The following SFXN1 variants were observed in gnomAD, a reference collection of about 807,000 sequenced individuals.
The protein encoded by SFXN1 is sideroflexin-1.
SFXN1 carries 32 observed loss-of-function variants against 39.5 expected under a neutral mutation model. That is an observed-to-expected ratio of 0.81 (90% CI 0.61 to 1.09). The LOEUF (loss-of-function observed/expected upper bound fraction) is 1.09, where lower values mean the gene tolerates loss of function less well. Among genes scored for constraint, SFXN1 ranks in the 50% least tolerant of loss-of-function variants. SFXN1 has a pLI of 0.00. For synonymous variants in SFXN1, 136 were observed against 146.5 expected, an observed-to-expected ratio of 0.93 and a Z score of 0.52; for missense variants, 402 against 407.1, an observed-to-expected ratio of 0.99 and a Z score of 0.11.
At chr5:175,504,716 T>C (rs1039743069) in intron 2 of SFXN1, among the ~76,000 whole-genome samples, 2 of 152,154 alleles carry the variant, frequency 1.3e-5, no homozygotes, top group African/African-American at 2.4e-5. Flanking sequence ...TTTTATTCAC[T>C]TCATAAGAAC....
intron 5 of SFXN1, among the ~76,000 whole-genome samples, chr5:175,511,864 C>CTGTCT (rs33977399): frequency 8.5e-5 from 11 of 130,098 alleles, no homozygotes; most frequent in East Asian, 6.2e-4. Context: ...TCTCTCTCTC[C>CTGTCT]CCACTCCAAA....
chr5:175,500,687 A>C (rs1182823966), intron 2 of SFXN1, among the ~76,000 whole-genome samples: 1 of 152,240 alleles, frequency 6.6e-6, no homozygotes, highest in Non-Finnish European at 1.5e-5. Context: ...TTGAAAAAGA[A>C]TGAAGCTGAG....
intron 2 of SFXN1, among the ~76,000 whole-genome samples, chr5:175,494,826 G>A (rs1010524973): frequency 5.3e-5 from 8 of 151,918 alleles, no homozygotes; most frequent in South Asian, 4.2e-4. Context: ...CCCTTCTTGG[G>A]TGGTCAAAAG....
At chr5:175,523,391 A>G (rs1466488677) in intron 10 of SFXN1, 1 of 152,122 alleles carries the variant, frequency 6.6e-6, no homozygotes, top group Non-Finnish European at 1.5e-5. Context: ...TACCTGCTTA[A>G]TTGTACAAAC....
At chr5:175,515,855 T>G (rs1245169305) in intron 7 of SFXN1, among the ~76,000 whole-genome samples, 2 of 152,154 alleles carry the variant, frequency 1.3e-5, no homozygotes, top group Non-Finnish European at 2.9e-5. Flanking sequence ...ATTAGACAAG[T>G]CACCATCATG....
chr5:175,507,201 T>C (rs967035630), intron 2 of SFXN1, among the ~76,000 whole-genome samples: 9 of 152,118 alleles, frequency 5.9e-5, no homozygotes, highest in African/African-American at 2.2e-4. Context: ...TGATTGCACA[T>C]GGCCTTCCTA....
intron 2 of SFXN1, among the ~76,000 whole-genome samples, chr5:175,506,631 A>G (rs1469368369): frequency 2.0e-5 from 3 of 152,152 alleles, no homozygotes; most frequent in African/African-American, 7.2e-5. Context: ...ATAATCATGT[A>G]GGAGAATACT....
chr5:175,511,412 T>C, intron 4 of SFXN1, 39 bp from the exon 5 acceptor site: 1 of 1,503,092 alleles, frequency 6.7e-7, no homozygotes, highest in East Asian at 2.3e-5. Context: ...TTTCCTGACA[T>C]GCCCTCGTCG....
intron 1 of SFXN1, among the ~76,000 whole-genome samples, chr5:175,485,928 C>T (rs1156455557): frequency 2.6e-5 from 4 of 152,166 alleles, no homozygotes; most frequent in African/African-American, 9.7e-5. Context: ...ACACTATTGT[C>T]GTGAGAAATG....
chr5:175,522,353 T>G (rs769492508), intron 9 of SFXN1, 22 bp from the exon 10 acceptor site: 5 of 1,558,848 alleles, frequency 3.2e-6, no homozygotes. Context: ...ATGGTCTGAC[T>G]TTTTTTTGTA....
chr5:175,487,401 A>C (rs1759490883), intron 1 of SFXN1, among the ~76,000 whole-genome samples: 1 of 152,100 alleles, frequency 6.6e-6, no homozygotes, highest in Non-Finnish European at 1.5e-5. Flanking sequence ...CATTGCTGTT[A>C]AATCCACCTC....
chr5:175,524,920 G>GA (rs755568062), intron 10 of SFXN1, among the ~76,000 whole-genome samples: 10 of 152,216 alleles, frequency 6.6e-5, no homozygotes, highest in Non-Finnish European at 1.0e-4. Context: ...CAAATTTCTG[G>GA]AAAAAATATT....
At chr5:175,520,518 G>T (rs552693069) in intron 8 of SFXN1, among the ~76,000 whole-genome samples, 1 of 152,064 alleles carries the variant, frequency 6.6e-6, no homozygotes, top group African/African-American at 2.4e-5. Context: ...TTGTCTAGGG[G>T]CCTTGGCTGT....
At chr5:175,516,151 G>GC (rs892203457) in intron 7 of SFXN1, among the ~76,000 whole-genome samples, 1 of 152,096 alleles carries the variant, frequency 6.6e-6, no homozygotes, top group African/African-American at 2.4e-5. Context: ...CTGCTGGGCA[G>GC]CCCTATTCCT....
At chr5:175,525,114 G>A (rs1182296086) in intron 10 of SFXN1, among the ~76,000 whole-genome samples, 3 of 152,162 alleles carry the variant, frequency 2.0e-5, no homozygotes, top group Non-Finnish European at 2.9e-5. Flanking sequence ...AGATAAAAAA[G>A]AGAATACTCC....
intron 6 of SFXN1, 54 bp from the exon 7 acceptor site, chr5:175,513,409 A>G: frequency 6.3e-7 from 1 of 1,577,872 alleles, no homozygotes; most frequent in Non-Finnish European, 8.6e-7. Context: ...GTACTATTTC[A>G]GGACGTTTAT....
chr5:175,502,192 A>G (rs1285178467), intron 2 of SFXN1, among the ~76,000 whole-genome samples: 2 of 152,178 alleles, frequency 1.3e-5, no homozygotes, highest in African/African-American at 4.8e-5. Flanking sequence ...TTTACAATAC[A>G]GTGATGTTAG....
intron 5 of SFXN1, among the ~76,000 whole-genome samples, chr5:175,511,862 T>C (rs916643036): frequency 1.3e-4 from 19 of 144,530 alleles, no homozygotes; most frequent in Middle Eastern, 3.4e-3. Flanking sequence ...TCTCTCTCTC[T>C]CCCCACTCCA....
chr5:175,485,284 T>A (rs536234396), intron 1 of SFXN1, among the ~76,000 whole-genome samples: 1 of 152,336 alleles, frequency 6.6e-6, no homozygotes, highest in Admixed American at 6.5e-5. Flanking sequence ...CATATTTGAG[T>A]AGCTTAAAGC....
Sources: gnomAD v4.1 joint callset for allele counts (sites outside exome capture counted in the v4.1 genomes callset) on GRCh38, gnomAD v4.1.1 for gene constraint, MANE v1.5 for transcripts, NCBI Gene and HGNC (gene_info 2026-07-23, HGNC 2026-07-21) for gene names.